MAP1S: variants seen among roughly 807,000 people sequenced by gnomAD.
MAP1S encodes microtubule associated protein 1S, also known as microtubule-associated protein 1S.
A neutral mutation model predicts 60.9 loss-of-function variants in MAP1S; 27 were observed. The ratio of observed to expected loss-of-function variants is 0.44; its 90% CI spans 0.33 to 0.61. MAP1S has a LOEUF of 0.61. Ranked by LOEUF, MAP1S falls within the 20% of genes least tolerant of loss-of-function variation. The pLI, the probability that MAP1S is intolerant of heterozygous loss-of-function variation, is 0.03. For synonymous variants in MAP1S, 826 were observed against 694.2 expected (o/e 1.19, Z -2.98); for missense variants, 1,608 against 1,486.6 (o/e 1.08, Z -1.34).
chr19:17,726,827 C>T lies in MAP1S; in HGVS notation c.1443C>T (p.Ser481=). The part of the protein sequence containing the change: ...ESKESVGSRD[S]SKREGLLATH... ...AAGAGAGCGTGGGCTCCCGGGACAG[C>T]TCGAAGAGAGAGGGCCTCCTGGCCA... is the stretch of plus-strand genomic sequence containing the variant. Residue 481 remains serine, a synonymous_variant, in exon 5 of 7, where the codon AGC becomes AGT. Transcript: ENST00000324096. 1 of 1,555,330 alleles carries T rather than the reference C, an allele frequency of 6.4e-7. No homozygotes were observed.
rs776422515 is a variant in MAP1S at position 17,727,479 on chromosome 19, T to A, written c.2095T>A (p.Ser699Thr). The A allele has an allele frequency of 3.2e-5, 51 of 1,610,062 alleles. No homozygotes were observed. Among genetic ancestry groups the A allele is most frequent in the Non-Finnish European group, 4.3e-5 (51 of 1,178,672 alleles). The change falls in exon 5 of 7, where the codon TCG becomes ACG. Residue 699 changes from serine to threonine, a missense_variant. Transcript: ENST00000324096. This position sits in a 1 kb window ranked among gnomAD's most constrained non-coding sequence, Gnocchi z 4.1. ...PHSTEVDESL[S>T]VSFEQVLPPS... ...CTCGACCGAGGTGGACGAGTCCCTG[T>A]CGGTGTCCTTTGAGCAGGTGCTGCC...
chr19:17,727,447 C>T lies in MAP1S; in HGVS notation c.2063C>T (p.Ser688Phe). 6.2e-7 allele frequency: 1 copy of T among 1,603,728 alleles called. No individual in the cohort carries two copies. Among genetic ancestry groups the T allele is most frequent in the Middle Eastern group, 1.7e-4 (1 of 6,052 alleles). The change falls in exon 5 of 7, where the codon TCC becomes TTC. Residue 688 changes from serine (S) to phenylalanine (F), a missense_variant. Around this residue, in one of 4 missense-constraint regions of MAP1S, gnomAD observed 1,167 missense variants for 961.4 expected, o/e 1.21. Transcript: ENST00000324096. The surrounding 1 kb of genome is among the most constrained non-coding windows in gnomAD (Gnocchi z 4.1). ...CCCTCACTACCCGCAGAGGTGGGCT[C>T]CCCGCACTCGACCGAGGTGGACGAG... Reference protein sequence around the residue: ...TTPSLPAEVGSPHSTEVDESL... With the variant: ...TTPSLPAEVGFPHSTEVDESL...
intron 5 of MAP1S, among the ~76,000 whole-genome samples, chr19:17,731,973 T>A (rs1186770220): frequency 6.6e-6 from 1 of 152,244 alleles, no homozygotes; most frequent in Non-Finnish European, 1.5e-5. Context: ...CCAGGCCTGA[T>A]TTTTTACATT....
At position 17,726,714 on chromosome 19, in the gene MAP1S, G is replaced by A. The variant is rs1186053477; in HGVS notation, c.1330G>A (p.Gly444Ser). 1.9e-6 allele frequency: 3 copies of A among 1,591,596 alleles called. No homozygotes were observed. Among genetic ancestry groups the A allele is most frequent in the South Asian group, 1.1e-5 (1 of 88,652 alleles). Residue 444 changes from glycine to serine, a missense_variant, in exon 5 of 7, where the codon GGC becomes AGC. By Grantham distance (56) the Gly-to-Ser change is moderately conservative. Coordinates refer to ENST00000324096, the MANE Select transcript of MAP1S (RefSeq NM_018174.6). Reference protein sequence around the residue: ...GCTPPACLLDGLVRLQHLRFL... With the variant: ...GCTPPACLLDSLVRLQHLRFL... ...CACCCCGCCCGCCTGCCTCCTGGACGGCCTGGTCCGCCTGCAGCACTTGAG... is the reference window on the plus strand; with the variant it reads ...CACCCCGCCCGCCTGCCTCCTGGACAGCCTGGTCCGCCTGCAGCACTTGAG...
In MAP1S at chr19:17,726,251, G is replaced by A. The variant is rs1238597214; in HGVS notation, c.867G>A (p.Leu289=). ...ACCTGGACCGCGTGGATGCCGTGCT[G>A]GTGACCCACCCTGGCGCCGACAGCC... is the stretch of plus-strand genomic sequence containing the variant. The part of the protein sequence containing the change: ...VRHLDRVDAV[L]VTHPGADSLP... Residue 289 remains leucine, a synonymous_variant, in exon 5 of 7, where the codon CTG becomes CTA. Coordinates refer to ENST00000324096, the MANE Select transcript of MAP1S (RefSeq NM_018174.6). The A allele has an allele frequency of 1.9e-6, 3 of 1,607,818 alleles. No homozygotes were observed. Among genetic ancestry groups the A allele is most frequent in the Admixed American group, 3.4e-5 (2 of 59,062 alleles).
At position 17,727,088 on chromosome 19, in the gene MAP1S, G is replaced by A. The variant is rs759694961; in HGVS notation, c.1704G>A (p.Thr568=). The part of the protein sequence containing the change: ...AAPKPRKAPS[T]SHSGFPPVAN... ...CCAAGCCCCGCAAAGCGCCCAGCACGTCCCACTCTGGCTTCCCGCCGGTGG... is the reference window on the plus strand; with the variant it reads ...CCAAGCCCCGCAAAGCGCCCAGCACATCCCACTCTGGCTTCCCGCCGGTGG... Residue 568 remains threonine, a synonymous_variant, in exon 5 of 7, where the codon ACG becomes ACA. Coordinates refer to ENST00000324096, the MANE Select transcript of MAP1S (RefSeq NM_018174.6). This position sits in a 1 kb window ranked among gnomAD's most constrained non-coding sequence, Gnocchi z 4.1. 29 of 1,603,038 alleles carry A rather than the reference G, an allele frequency of 1.8e-5. No individual in the cohort carries two copies. The East Asian group carries it at 4.3e-4, about 24-fold the overall frequency.
chr19:17,729,811 C>T (rs535173078), intron 5 of MAP1S, among the ~76,000 whole-genome samples: 2 of 152,150 alleles, frequency 1.3e-5, no homozygotes, highest in African/African-American at 2.4e-5. Context: ...TACAGGCATG[C>T]GCAACCATGC....
In MAP1S at chr19:17,725,054, G is replaced by C. The variant is rs200007458; in HGVS notation, c.309G>C (p.Arg103=). 15 of 1,614,118 alleles carry C rather than the reference G, an allele frequency of 9.3e-6. No individual in the cohort carries two copies. The East Asian group carries it at 3.1e-4, about 34-fold the overall frequency. Residue 103 remains arginine, a synonymous_variant, in exon 4 of 7, where the codon CGG becomes CGC. Coordinates refer to ENST00000324096, the MANE Select transcript of MAP1S (RefSeq NM_018174.6). This position sits in a 1 kb window ranked among gnomAD's most constrained non-coding sequence, Gnocchi z 4.2. ...GTGTTCACCCCCTCCCTCAGCTCCG[G>C]AACCTTCTGTTGGACCCTGCCTCTC... ...PSDKSLYDEL[R]NLLLDPASHK... is the part of the protein sequence containing the mutation.
At chr19:17,721,215 A>G (rs989160906) in intron 2 of MAP1S, 178 bp downstream of exon 2, 4 of 646,828 alleles carry the variant, frequency 6.2e-6, no homozygotes, top group Non-Finnish European at 1.1e-5. Context: ...AGCAACCCAC[A>G]GTGCAGGAAC....
chr19:17,726,129 G>A lies in MAP1S; in HGVS notation c.745G>A (p.Gly249Ser). 1 of 1,613,988 alleles carries A rather than the reference G, an allele frequency of 6.2e-7. No homozygotes were observed. Among genetic ancestry groups the A allele is most frequent in the Non-Finnish European group, 8.5e-7 (1 of 1,179,976 alleles). The change falls in exon 5 of 7, where the codon GGC becomes AGC. Residue 249 changes from glycine to serine, a missense_variant. Physicochemically the swap from Gly to Ser is moderately conservative, Grantham distance 56. This residue lies in a region of MAP1S where 320 missense variants were observed against 393.1 expected (regional missense o/e 0.81). Coordinates refer to ENST00000324096, the MANE Select transcript of MAP1S (RefSeq NM_018174.6). The stretch of plus-strand genomic sequence containing the variant: ...GCCCTGCTGCTACATCTTCCCTGGA[G>A]GCCTCGGGGATGCCGCCTTCTTCGC... ...GRPCCYIFPGGLGDAAFFAVN... is the reference protein window; with the variant it reads ...GRPCCYIFPGSLGDAAFFAVN...
At chr19:17,724,552 C>T (rs778224224) in intron 3 of MAP1S, among the ~76,000 whole-genome samples, 1 of 152,312 alleles carries the variant, frequency 6.6e-6, no homozygotes, top group African/African-American at 2.4e-5. Context: ...AATCGACTCA[C>T]TAACATTAAC....
intron 5 of MAP1S, among the ~76,000 whole-genome samples, chr19:17,732,594 C>A (rs964394839): frequency 6.6e-6 from 1 of 152,230 alleles, no homozygotes; most frequent in Non-Finnish European, 1.5e-5. Flanking sequence ...CTCCCCATCA[C>A]CCTTGGGGCA....
chr19:17,727,569 T>C lies in MAP1S; in HGVS notation c.2185T>C (p.Ser729Pro), dbSNP rs1422890108. ...LPLRGPRARR[S>P]ASPHDVDLCL... ...GCTGCGTGGCCCCCGGGCGCGGCGC[T>C]CGGCTTCCCCACACGATGTGGACCT... is the stretch of plus-strand genomic sequence containing the variant. Residue 729 changes from serine (S) to proline (P), a missense_variant, in exon 5 of 7, where the codon TCG becomes CCG. Ser to Pro is a moderately conservative substitution (Grantham distance 74, BLOSUM62 -1). This residue lies in a region of MAP1S where 1,167 missense variants were observed against 961.4 expected (regional missense o/e 1.21). Coordinates refer to ENST00000324096, the MANE Select transcript of MAP1S (RefSeq NM_018174.6). This position sits in a 1 kb window ranked among gnomAD's most constrained non-coding sequence, Gnocchi z 4.1. 3.1e-6 allele frequency: 5 copies of C among 1,606,898 alleles called. No individual in the cohort carries two copies. Among genetic ancestry groups the C allele is most frequent in the East Asian group, 4.5e-5 (2 of 44,792 alleles).
Position 17,727,285 on chromosome 19 carries a change from C to T in MAP1S, c.1901C>T (p.Pro634Leu), listed in dbSNP as rs994987392. 6.7e-5 allele frequency: 106 copies of T among 1,586,802 alleles called. No individual in the cohort carries two copies. The highest frequency in any genetic ancestry group is 8.4e-5 in the Non-Finnish European group (99 of 1,171,996). ...LELPLAASSI[P>L]RPRTPSPESH... ...CTGCCTTTGGCCGCCAGCTCAATCC[C>T]AAGGCCACGCACACCCTCCCCTGAG... The change falls in exon 5 of 7, where the codon CCA becomes CTA. Residue 634 changes from proline (P) to leucine (L), a missense_variant. By Grantham distance (98) the Pro-to-Leu change is moderately conservative. Transcript: ENST00000324096. The surrounding 1 kb of genome is among the most constrained non-coding windows in gnomAD (Gnocchi z 4.1).
At chr19:17,720,800 G>T (rs2080363595) in intron 1 of MAP1S, 136 bp from the exon 2 acceptor site, 1 of 737,994 alleles carries the variant, frequency 1.4e-6, no homozygotes, top group Admixed American at 2.0e-5. Flanking sequence ...AAGGTGTTGG[G>T]TACTTCTGAG....
rs988701939 is a variant in MAP1S at position 17,726,722 on chromosome 19, C to T, written c.1338C>T (p.Val446=). 6.3e-7 allele frequency: 1 copy of T among 1,590,140 alleles called. No homozygotes were observed. The highest frequency in any genetic ancestry group is 2.3e-5 in the East Asian group (1 of 43,802). Reference sequence around the variant, plus strand: ...CCGCCTGCCTCCTGGACGGCCTGGTCCGCCTGCAGCACTTGAGGTTCCTGC... The same window carrying T: ...CCGCCTGCCTCCTGGACGGCCTGGTTCGCCTGCAGCACTTGAGGTTCCTGC... ...TPPACLLDGL[V]RLQHLRFLRE... The change falls in exon 5 of 7, where the codon GTC becomes GTT. Residue 446 remains valine, a synonymous_variant. Transcript: ENST00000324096.
chr19:17,726,938 A>G lies in MAP1S; in HGVS notation c.1554A>G (p.Glu518=), dbSNP rs1255969813. The change falls in exon 5 of 7, where the codon GAA becomes GAG. Residue 518 remains glutamate (E), a synonymous_variant. Coordinates refer to ENST00000324096, the MANE Select transcript of MAP1S (RefSeq NM_018174.6). The part of the protein sequence containing the change: ...RAEAPRKTEK[E]AKTPRELKKD... ...AGGCCCCACGCAAGACTGAGAAAGA[A>G]GCCAAGACCCCCCGGGAGTTGAAGA... The G allele has an allele frequency of 1.3e-6, 2 of 1,571,508 alleles. No individual in the cohort carries two copies. The highest frequency in any genetic ancestry group is 1.3e-5 in the African/African-American group (1 of 74,100).
intron 3 of MAP1S, among the ~76,000 whole-genome samples, chr19:17,724,546 G>A (rs142069884): frequency 1.3e-5 from 2 of 152,122 alleles, no homozygotes; most frequent in Admixed American, 6.5e-5. Flanking sequence ...TGTCTGAATC[G>A]ACTCACTAAC....
In MAP1S at chr19:17,725,239, T is replaced by G. The variant is rs2080407216; in HGVS notation, c.444+50T>G. ...TGCTTCCCCAGCTCTGAATCCTGAC[T>G]GGGGTGTATCAGGCTGTGTGGCACC... is the stretch of plus-strand genomic sequence containing the variant. On this transcript the variant is annotated intron_variant, in intron 4 of 6. Coordinates refer to ENST00000324096, the MANE Select transcript of MAP1S (RefSeq NM_018174.6). This position sits in a 1 kb window ranked among gnomAD's most constrained non-coding sequence, Gnocchi z 4.2. 1 of 1,569,430 alleles carries G rather than the reference T, an allele frequency of 6.4e-7. No homozygotes were observed. Among genetic ancestry groups the G allele is most frequent in the South Asian group, 1.2e-5 (1 of 82,772 alleles).
Sources: allele counts gnomAD v4.1 joint callset (sites outside exome capture counted in the v4.1 genomes callset), GRCh38; gene constraint gnomAD v4.1.1; regional missense constraint gnomAD v4.1.1; non-coding constraint Gnocchi (gnomAD v3.1); transcripts MANE v1.5; gene names NCBI Gene and HGNC (gene_info 2026-07-23, HGNC 2026-07-21).